The following MMEL1 variants were observed in gnomAD, a reference collection of about 807,000 sequenced individuals.
MMEL1 encodes the protein membrane metallo-endopeptidase-like 1.
In MMEL1, 98 loss-of-function variants were observed where a neutral mutation model predicts 117.1. The ratio of observed to expected loss-of-function variants is 0.84; its 90% CI spans 0.71 to 0.99. The LOEUF (loss-of-function observed/expected upper bound fraction) is 0.99, where lower values mean the gene tolerates loss of function less well. Ranked by LOEUF, MMEL1 falls within the 50% of genes least tolerant of loss-of-function variation. MMEL1 has a pLI of 0.00. For synonymous variants in MMEL1, 390 were observed against 415.1 expected (o/e 0.94, Z 0.74); for missense variants, 1,014 against 1,049.1 (o/e 0.97, Z 0.46).
rs1645042703 is a variant in MMEL1 at position 2,607,155 on chromosome 1, C to T, written c.536-86G>A. On this transcript the variant is annotated intron_variant, in intron 6 of 23. Transcript: ENST00000378412. ...GAACTGTGGGGGCGCCGTTGGCCGG[C>T]GTCACAGGTCCCCACAGCCCCTGCA... 18 of 1,179,940 alleles carry T rather than the reference C, an allele frequency of 1.5e-5. No individual in the cohort carries two copies. In the South Asian group the frequency reaches 1.6e-4, roughly 11 times the overall value. 73.1% of individuals were successfully genotyped at this position (1,179,940 alleles called of 1,614,324 possible). A position where few individuals can be genotyped will look rare whatever the true frequency, so the allele number is the denominator to read the frequency against.
chr1:2,604,059 C>A, intron 10 of MMEL1, 86 bp from the exon 11 acceptor site: 1 of 1,577,742 alleles, frequency 6.3e-7, no homozygotes, highest in South Asian at 1.1e-5. Context: ...TACCGGCCCA[C>A]CCAGCACCCC....
At chr1:2,619,196 A>G (rs1422237381) in intron 2 of MMEL1, among the ~76,000 whole-genome samples, 1 of 152,184 alleles carries the variant, frequency 6.6e-6, no homozygotes, top group Non-Finnish European at 1.5e-5. Flanking sequence ...TGAAAGTTAC[A>G]TGGACAGAGC....
rs191711017 is a variant in MMEL1 at position 2,596,420 on chromosome 1, C to T, written c.1401+141G>A. On this transcript the variant is annotated intron_variant, in intron 14 of 23. Coordinates refer to ENST00000378412, the MANE Select transcript of MMEL1 (RefSeq NM_033467.4). ...TGGGGTCAGGGGCATGGGGTGGGCA[C>T]GGCTTCCCTTAGCCTCCCTCTGTCT... 722 of 1,242,224 alleles carry T rather than the reference C, an allele frequency of 5.8e-4. 1 individual carries two copies. The highest frequency in any genetic ancestry group is 1.7e-3 in the African/African-American group (116 of 66,710). 77.0% of individuals were successfully genotyped at this position (1,242,224 alleles called of 1,614,324 possible). A position where few individuals can be genotyped will look rare whatever the true frequency, so the allele number is the denominator to read the frequency against.
At position 2,604,018 on chromosome 1, in the gene MMEL1, C is replaced by T. The variant is rs371081498; in HGVS notation, c.952-45G>A. On this transcript the variant is annotated intron_variant, in intron 10 of 23. Coordinates refer to ENST00000378412, the MANE Select transcript of MMEL1 (RefSeq NM_033467.4). ...CACACGGGCGGGTGGCCAGGATGCCCCCTGGGGCTCCTGGCCCAGTCCCTG... is the reference window on the plus strand; with the variant it reads ...CACACGGGCGGGTGGCCAGGATGCCTCCTGGGGCTCCTGGCCCAGTCCCTG... 2.6e-5 allele frequency: 41 copies of T among 1,604,308 alleles called. No homozygotes were observed. The African/African-American group carries it at 4.7e-4, about 18-fold the overall frequency.
At chr1:2,624,935 A>G (rs1044173814) in intron 2 of MMEL1, among the ~76,000 whole-genome samples, 13 of 152,168 alleles carry the variant, frequency 8.5e-5, no homozygotes, top group Non-Finnish European at 1.6e-4. Context: ...CAGGGGAGAG[A>G]GAGAGCGCGA....
At chr1:2,597,627 T>G (rs1020740120) in intron 13 of MMEL1, among the ~76,000 whole-genome samples, 7 of 151,772 alleles carry the variant, frequency 4.6e-5, no homozygotes, top group Non-Finnish European at 1.0e-4. Flanking sequence ...ACAGCCAGAA[T>G]CCCCCTAGGG....
At chr1:2,594,261 A>C in intron 18 of MMEL1, 124 bp downstream of exon 18, 3 of 1,085,384 alleles carry the variant, frequency 2.8e-6, no homozygotes, top group Non-Finnish European at 4.1e-6. Flanking sequence ...GGGGTGACAT[A>C]GGAGAATGTT....
At chr1:2,630,998 T>G (rs1360494203) in intron 1 of MMEL1, among the ~76,000 whole-genome samples, 1 of 151,894 alleles carries the variant, frequency 6.6e-6, no homozygotes, top group East Asian at 1.9e-4. Context: ...ATTGTGCACC[T>G]GTGCGTGTGC....
chr1:2,590,890 CCGGGG>C lies in MMEL1; in HGVS notation c.*95_*99del. The C allele has an allele frequency of 1.0e-6, 1 of 961,604 alleles. No homozygotes were observed. The highest frequency in any genetic ancestry group is 1.4e-6 in the Non-Finnish European group (1 of 713,414). 59.6% of individuals were successfully genotyped at this position (961,604 alleles called of 1,614,324 possible). On this transcript the variant is annotated 3_prime_UTR_variant, in exon 24 of 24. Coordinates refer to ENST00000378412, the MANE Select transcript of MMEL1 (RefSeq NM_033467.4). ...TGGCAGGCAGGCTTGGCATGGTTGG[CCGGGG>C]CGGGACGTACACTGGGTCGCCGCTA...
intron 23 of MMEL1, 136 bp from the exon 24 acceptor site, chr1:2,591,225 C>A: frequency 1.6e-6 from 1 of 631,786 alleles, no homozygotes; most frequent in Non-Finnish European, 2.7e-6. Context: ...AACATTTCAA[C>A]CATGAGATAA....
Position 2,629,388 on chromosome 1 carries a change from G to A in MMEL1, c.97C>T (p.Leu33=), listed in dbSNP as rs1001177977. 5 of 1,545,700 alleles carry A rather than the reference G, an allele frequency of 3.2e-6. No individual in the cohort carries two copies. The highest frequency in any genetic ancestry group is 1.8e-4 in the Middle Eastern group (1 of 5,530). Residue 33 remains leucine, a synonymous_variant, in exon 2 of 24, where the codon CTG becomes TTG. Coordinates refer to ENST00000378412, the MANE Select transcript of MMEL1 (RefSeq NM_033467.4). ...ACCAGGGCAGCGGTCACCAGCAGCA[G>A]CAGCAGCAGCAGCCCCCCCTCCAGG... ...GFLEGGLLLL[L]LLVTAALVAL... is the part of the protein sequence containing the mutation.
Position 2,612,221 on chromosome 1 carries a change from C to A in MMEL1, c.155-17G>T, listed in dbSNP as rs376894827. On this transcript the variant is annotated splice_polypyrimidine_tract_variant and intron_variant, in intron 2 of 23. Coordinates refer to ENST00000378412, the MANE Select transcript of MMEL1 (RefSeq NM_033467.4). This position sits in a 1 kb window ranked among gnomAD's most constrained non-coding sequence, Gnocchi z 5.4. ...GCTGCTTCCCTGGGGAGAAACACAG[C>A]GCTCAGCTGCGGCCTCCTGCCTGCA... The A allele has an allele frequency of 6.4e-7, 1 of 1,557,906 alleles. No homozygotes were observed. The highest frequency in any genetic ancestry group is 8.7e-7 in the Non-Finnish European group (1 of 1,149,890).
At position 2,591,064 on chromosome 1, in the gene MMEL1, C is replaced by T. The variant is rs1570635504; in HGVS notation, c.2266G>A (p.Ala756Thr). ...YRVLGSLQNL[A>T]AFADTFHCAR... ...CAGTGGAACGTGTCTGCGAAGGCGG[C>T]CAGGTTCTGCAGCGACCCCAGTACC... Residue 756 changes from alanine to threonine, a missense_variant, in exon 24 of 24, where the codon GCC (alanine) becomes ACC (threonine). By Grantham distance (58) the Ala-to-Thr change is moderately conservative. Transcript: ENST00000378412. 1 of 1,604,798 alleles carries T rather than the reference C, an allele frequency of 6.2e-7. No individual in the cohort carries two copies. The highest frequency in any genetic ancestry group is 8.5e-7 in the Non-Finnish European group (1 of 1,176,150).
At chr1:2,622,678 A>C (rs1425995830) in intron 2 of MMEL1, among the ~76,000 whole-genome samples, 1 of 151,836 alleles carries the variant, frequency 6.6e-6, no homozygotes, top group African/African-American at 2.4e-5. Flanking sequence ...TGAGGTCAGG[A>C]GTTTGAGAGC....
At chr1:2,604,645 G>A (rs1644992580) in intron 9 of MMEL1, among the ~76,000 whole-genome samples, 1 of 151,886 alleles carries the variant, frequency 6.6e-6, no homozygotes, top group African/African-American at 2.4e-5. Flanking sequence ...AGGGTGGTGG[G>A]TGCCGGGGTG....
chr1:2,631,557 G>C (rs79912256), intron 1 of MMEL1, among the ~76,000 whole-genome samples: 3,506 of 152,088 alleles, frequency 0.023, 144 homozygotes, highest in African/African-American at 0.08. Flanking sequence ...TGTGAGGAGC[G>C]GGGACGGGGA....
chr1:2,629,144 G>T (rs1239752539), intron 2 of MMEL1, among the ~76,000 whole-genome samples, 187 bp downstream of exon 2: 1 of 152,148 alleles, frequency 6.6e-6, no homozygotes. Context: ...CTGCAGGTCA[G>T]TGCCCCTCCC....
chr1:2,606,640 T>TG (rs1393734055), intron 7 of MMEL1, among the ~76,000 whole-genome samples: 1 of 151,944 alleles, frequency 6.6e-6, no homozygotes, highest in Non-Finnish European at 1.5e-5. Flanking sequence ...CCCGGGGGAA[T>TG]GGAGCACATG....
chr1:2,630,349 T>C (rs999769561), intron 1 of MMEL1, among the ~76,000 whole-genome samples: 1 of 152,226 alleles, frequency 6.6e-6, no homozygotes, highest in African/African-American at 2.4e-5. Flanking sequence ...TGCATGTGTA[T>C]GACTGTGCGT....
Sources: gnomAD v4.1 joint callset for allele counts (sites outside exome capture counted in the v4.1 genomes callset) on GRCh38, gnomAD v4.1.1 for gene constraint, Gnocchi (gnomAD v3.1) non-coding constraint, MANE v1.5 for transcripts, NCBI Gene and HGNC (gene_info 2026-07-23, HGNC 2026-07-21) for gene names.